LDLRAD4: variants seen among roughly 807,000 people sequenced by gnomAD.
LDLRAD4 encodes low-density lipoprotein receptor class A domain-containing protein 4.
A neutral mutation model predicts 17.0 loss-of-function variants in LDLRAD4; 5 were observed. The ratio of observed to expected loss-of-function variants is 0.29; its 90% CI spans 0.15 to 0.62. The LOEUF is 0.62. Among genes scored for constraint, LDLRAD4 ranks in the 20% least tolerant of loss-of-function variants. LDLRAD4 has a pLI of 0.84. For missense variants in LDLRAD4, 340 were observed against 424.7 expected (o/e 0.80, Z 1.75); for synonymous variants, 168 against 171.8 (o/e 0.98, Z 0.17).
Position 13,308,128 on chromosome 18 carries a change from A to T in LDLRAD4, c.-383+29940A>T, listed in dbSNP as rs563370816. ...GCCACCTCCACCCTTCATCAAGCCC[A>T]TTTTCCTGTACCATGCTTTCGACAC... On this transcript the variant is annotated intron_variant, in intron 1 of 5. Coordinates refer to ENST00000359446, the Ensembl canonical transcript of LDLRAD4. 3.4e-4 allele frequency among the ~76,000 whole-genome samples: 52 copies of T among 152,170 alleles called. 1 individual carries two copies. The South Asian group carries it at 0.01, about 30-fold the overall frequency.
intron 3 of LDLRAD4, among the ~76,000 whole-genome samples, chr18:13,586,440 G>A (rs1216950506): frequency 2.7e-5 from 3 of 112,396 alleles, no homozygotes; most frequent in African/African-American, 6.7e-5. Flanking sequence ...ACTGAGAAGG[G>A]CTCTGAGGGC....
At chr18:13,399,916 A>G (rs1314013066) in intron 2 of LDLRAD4, among the ~76,000 whole-genome samples, 2 of 152,186 alleles carry the variant, frequency 1.3e-5, no homozygotes, top group African/African-American at 4.8e-5. Flanking sequence ...TTTATTACCT[A>G]TTTGTCATTT....
At chr18:13,227,838 C>T (rs962174424) in intron 1 of LDLRAD4, among the ~76,000 whole-genome samples, 7 of 152,204 alleles carry the variant, frequency 4.6e-5, no homozygotes, top group Non-Finnish European at 1.0e-4. Context: ...TATTCCCTTC[C>T]CATGAGGTCC....
chr18:13,252,729 C>T (rs2043290123), intron 1 of LDLRAD4, among the ~76,000 whole-genome samples: 1 of 152,204 alleles, frequency 6.6e-6, no homozygotes, highest in African/African-American at 2.4e-5. Context: ...CTCTTTGCTT[C>T]TGTGAGGTCA....
chr18:13,543,912 G>A (rs1225890043), intron 3 of LDLRAD4, among the ~76,000 whole-genome samples: 3 of 152,248 alleles, frequency 2.0e-5, no homozygotes, highest in African/African-American at 7.2e-5. Flanking sequence ...AGATGTCTGT[G>A]AGGGAAACCA....
At chr18:13,578,316 T>G (rs895563831) in intron 3 of LDLRAD4, among the ~76,000 whole-genome samples, 2 of 152,222 alleles carry the variant, frequency 1.3e-5, no homozygotes, top group Non-Finnish European at 2.9e-5. Context: ...TAATTTTAAC[T>G]GTTATTTATA....
At chr18:13,629,949 A>G (rs2041515195) in intron 4 of LDLRAD4, among the ~76,000 whole-genome samples, 1 of 152,180 alleles carries the variant, frequency 6.6e-6, no homozygotes. Context: ...TTCTTCTCAC[A>G]TGTGAGACGA....
intron 1 of LDLRAD4, among the ~76,000 whole-genome samples, chr18:13,322,728 C>T (rs1202124848): frequency 6.6e-6 from 1 of 152,054 alleles, no homozygotes; most frequent in Non-Finnish European, 1.5e-5. Flanking sequence ...AAAAATTCTC[C>T]CACCTCAGCC....
At chr18:13,337,871 A>T (rs1287907618) in intron 1 of LDLRAD4, among the ~76,000 whole-genome samples, 1 of 152,142 alleles carries the variant, frequency 6.6e-6, no homozygotes, top group Admixed American at 6.5e-5. Context: ...AAAAAAAGAA[A>T]AGCTCATGCT....
At chr18:13,612,621 A>T in intron 3 of LDLRAD4, 1 of 1,600,224 alleles carries the variant, frequency 6.2e-7, no homozygotes. Context: ...CTGCCTGGAG[A>T]GGAGATTGCC....
chr18:13,266,019 G>T (rs2044196573), intron 1 of LDLRAD4, among the ~76,000 whole-genome samples: 1 of 152,166 alleles, frequency 6.6e-6, no homozygotes, highest in Non-Finnish European at 1.5e-5. Flanking sequence ...ATTATCTGGG[G>T]AGCTTGTTAA....
At chr18:13,289,876 C>T (rs1380492194) in intron 1 of LDLRAD4, among the ~76,000 whole-genome samples, 2 of 152,220 alleles carry the variant, frequency 1.3e-5, no homozygotes, top group Admixed American at 6.5e-5. Context: ...CCCATCATAT[C>T]TCAGCCTTCC....
At chr18:13,355,447 G>A (rs1178097606) in intron 1 of LDLRAD4, among the ~76,000 whole-genome samples, 1 of 152,206 alleles carries the variant, frequency 6.6e-6, no homozygotes, top group African/African-American at 2.4e-5. Context: ...TGTCATATGA[G>A]GGAGTCAGTG....
intron 3 of LDLRAD4, among the ~76,000 whole-genome samples, chr18:13,483,278 ACT>A (rs1398791163): frequency 6.6e-6 from 1 of 152,112 alleles, no homozygotes; most frequent in Non-Finnish European, 1.5e-5. Flanking sequence ...CTCTGTAGTT[ACT>A]GAGTTTCTCA....
chr18:13,391,970 T>G (rs1183107619), intron 2 of LDLRAD4, among the ~76,000 whole-genome samples: 1 of 152,264 alleles, frequency 6.6e-6, no homozygotes, highest in African/African-American at 2.4e-5. Context: ...TTCACCCTTA[T>G]GAATAACGCT....
At chr18:13,335,256 G>A (rs1325093459) in intron 1 of LDLRAD4, among the ~76,000 whole-genome samples, 1 of 152,186 alleles carries the variant, frequency 6.6e-6, no homozygotes. Flanking sequence ...GAGCATTGGT[G>A]TCGAGCACAT....
At chr18:13,599,434 C>T (rs1157649935) in intron 3 of LDLRAD4, among the ~76,000 whole-genome samples, 1 of 151,646 alleles carries the variant, frequency 6.6e-6, no homozygotes, top group Non-Finnish European at 1.5e-5. Flanking sequence ...TGGTTGTTTT[C>T]CTGGCAAGTG....
chr18:13,386,921 TAG>T (rs1568082640), intron 1 of LDLRAD4, among the ~76,000 whole-genome samples: 2 of 48,502 alleles, frequency 4.1e-5, no homozygotes, highest in East Asian at 5.1e-4. Flanking sequence ...GATAGATAGA[TAG>T]ATAGATAGAT....
chr18:13,438,748 T>C (rs536180416), intron 3 of LDLRAD4, among the ~76,000 whole-genome samples: 1 of 152,346 alleles, frequency 6.6e-6, no homozygotes, highest in African/African-American at 2.4e-5. Context: ...TAATTAATCA[T>C]GCAACTGAAA....
Sources: allele counts gnomAD v4.1 joint callset (sites outside exome capture counted in the v4.1 genomes callset), GRCh38; gene constraint gnomAD v4.1.1; transcripts MANE v1.5; gene names NCBI Gene and HGNC (gene_info 2026-07-23, HGNC 2026-07-21).